The following MTSS1 variants were observed in gnomAD, a reference collection of about 807,000 sequenced individuals.
The protein encoded by MTSS1 is protein MTSS 1.
Under a neutral mutation model 79.0 loss-of-function variants are expected in MTSS1, and 18 were observed. The observed-to-expected ratio is 0.23, with a 90% CI of 0.16 to 0.34. MTSS1 has a LOEUF of 0.34. MTSS1 is among the 10% of genes least tolerant of loss of function. The pLI, the probability that MTSS1 is intolerant of heterozygous loss-of-function variation, is 1.00. For missense variants in MTSS1, 815 were observed against 986.2 expected (o/e 0.83, Z 2.33); for synonymous variants, 341 against 368.6 (o/e 0.93, Z 0.86).
intron 9 of MTSS1, 41 bp downstream of exon 9, chr8:124,565,621 G>A: frequency 6.5e-7 from 1 of 1,544,406 alleles, no homozygotes; most frequent in Non-Finnish European, 9.0e-7. Flanking sequence ...AAAGAAAAAT[G>A]ACCCGTCCTG....
At chr8:124,650,038 T>G (rs1270528618) in intron 3 of MTSS1, among the ~76,000 whole-genome samples, 1 of 151,950 alleles carries the variant, frequency 6.6e-6, no homozygotes, top group Non-Finnish European at 1.5e-5. Flanking sequence ...GCCTTTTTTT[T>G]TTTTTCCCTC....
intron 1 of MTSS1, among the ~76,000 whole-genome samples, chr8:124,719,258 C>T (rs1057143896): frequency 1.3e-5 from 2 of 152,206 alleles, no homozygotes; most frequent in Non-Finnish European, 2.9e-5. Context: ...GTTACTAAGA[C>T]TACCTCGCTG....
chr8:124,691,495 T>C (rs944890618), intron 3 of MTSS1, among the ~76,000 whole-genome samples: 7 of 152,158 alleles, frequency 4.6e-5, no homozygotes, highest in Admixed American at 1.3e-4. Context: ...TACACATATA[T>C]ACAGTTTAGA....
intron 6 of MTSS1, among the ~76,000 whole-genome samples, chr8:124,571,315 G>A (rs1165463818): frequency 6.6e-6 from 1 of 152,160 alleles, no homozygotes; most frequent in Admixed American, 6.5e-5. Flanking sequence ...TAAAATGCTG[G>A]CTAGTGCAAA....
intron 3 of MTSS1, among the ~76,000 whole-genome samples, chr8:124,698,506 C>CTTTTTT (rs148481676): frequency 1.4e-4 from 17 of 124,762 alleles, no homozygotes; most frequent in East Asian, 4.5e-4. Flanking sequence ...TGTTGCTTTT[C>CTTTTTT]TTTTTTTTTT....
chr8:124,688,879 G>C (rs1827466849), intron 3 of MTSS1, among the ~76,000 whole-genome samples: 1 of 151,490 alleles, frequency 6.6e-6, no homozygotes, highest in Non-Finnish European at 1.5e-5. Context: ...ACTTCACTGA[G>C]ATTCAGTGTC....
chr8:124,559,210 C>T (rs1383980451), intron 10 of MTSS1, among the ~76,000 whole-genome samples: 5 of 152,178 alleles, frequency 3.3e-5, no homozygotes. Flanking sequence ...TGTTTCTTCA[C>T]GTGCCACAGG....
At chr8:124,704,339 A>G in intron 1 of MTSS1, 148 bp from the exon 2 acceptor site, 7 of 712,014 alleles carry the variant, frequency 9.8e-6, no homozygotes, top group South Asian at 9.6e-5. Context: ...CGGATTCTAT[A>G]TACATGTATT....
chr8:124,630,992 T>C (rs911215475), intron 3 of MTSS1, among the ~76,000 whole-genome samples: 1 of 152,186 alleles, frequency 6.6e-6, no homozygotes, highest in African/African-American at 2.4e-5. Flanking sequence ...GGCAGCATCA[T>C]CACTGAGATA....
Position 124,567,141 on chromosome 8 carries a change from AGGT to A in MTSS1, c.653_655del (p.His218del). The A allele has an allele frequency of 6.2e-7, 1 of 1,614,116 alleles. No homozygotes were observed. The highest frequency in any genetic ancestry group is 8.5e-7 in the Non-Finnish European group (1 of 1,179,944). On this transcript the variant is annotated inframe_deletion, in exon 8 of 14. Transcript: ENST00000518547. ...TTTTAGATCTTCCGAGATGGTCTGAAGGTGGGTTATTTCCCCTAGCATTGAGAT... is the reference window on the plus strand; with the variant it reads ...TTTTAGATCTTCCGAGATGGTCTGAAGGGTTATTTCCCCTAGCATTGAGAT...
At chr8:124,646,222 G>C (rs999116235) in intron 3 of MTSS1, among the ~76,000 whole-genome samples, 5 of 152,132 alleles carry the variant, frequency 3.3e-5, no homozygotes, top group African/African-American at 1.2e-4. Context: ...TTATAAATGG[G>C]ATTATAAGCC....
rs113124516 is a variant in MTSS1 at position 124,696,688 on chromosome 8, TAAAAATAC to T, written c.208+2830_208+2837del. 8.5e-3 allele frequency among the ~76,000 whole-genome samples: 1,286 copies of T among 152,010 alleles called. 17 individuals are homozygous for T. The highest frequency in any genetic ancestry group is 0.028 in the African/African-American group (1,179 of 41,444). On this transcript the variant is annotated intron_variant, in intron 3 of 13. Transcript: ENST00000518547. ...CAACATGACGAAACCCTGTCTCTAC[TAAAAATAC>T]AAAAATTAGCTGGGCGTGATGGTGG...
intron 3 of MTSS1, among the ~76,000 whole-genome samples, chr8:124,673,906 C>T (rs1052079152): frequency 3.3e-5 from 5 of 150,104 alleles, no homozygotes; most frequent in Non-Finnish European, 6.0e-5. Context: ...GTCAGTGCCA[C>T]CCAACTGTGA....
intron 3 of MTSS1, among the ~76,000 whole-genome samples, chr8:124,627,697 G>A (rs1814990248): frequency 6.6e-6 from 1 of 152,234 alleles, no homozygotes; most frequent in Admixed American, 6.5e-5. Context: ...AGGGATCACT[G>A]AAAGGGTAAT....
chr8:124,631,216 C>T (rs1436400436), intron 3 of MTSS1, among the ~76,000 whole-genome samples: 3 of 152,160 alleles, frequency 2.0e-5, no homozygotes, highest in East Asian at 1.9e-4. Context: ...CTCCTGGACT[C>T]GGATTCCAGG....
chr8:124,610,192 A>G (rs775496934), intron 3 of MTSS1, among the ~76,000 whole-genome samples: 1 of 152,246 alleles, frequency 6.6e-6, no homozygotes, highest in South Asian at 2.1e-4. Flanking sequence ...TTCTTCTTCC[A>G]TATTAGACAT....
intron 2 of MTSS1, among the ~76,000 whole-genome samples, chr8:124,700,210 T>C (rs917722229): frequency 6.6e-6 from 1 of 151,976 alleles, no homozygotes; most frequent in African/African-American, 2.4e-5. Context: ...GAGGCATTTC[T>C]ACCTAAAAGG....
chr8:124,625,506 GCATTTT>G (rs1814485506), intron 3 of MTSS1, among the ~76,000 whole-genome samples: 1 of 152,164 alleles, frequency 6.6e-6, no homozygotes, highest in African/African-American at 2.4e-5. Context: ...AGACAGACCA[GCATTTT>G]CGGACACAGA....
intron 6 of MTSS1, chr8:124,577,646 C>A: frequency 1.9e-6 from 1 of 518,658 alleles, no homozygotes; most frequent in Non-Finnish European, 3.8e-6. Context: ...CCTGCTTCCA[C>A]CCAGACAGAA....
Sources: allele counts gnomAD v4.1 joint callset (sites outside exome capture counted in the v4.1 genomes callset), GRCh38; gene constraint gnomAD v4.1.1; transcripts MANE v1.5; gene names NCBI Gene and HGNC (gene_info 2026-07-23, HGNC 2026-07-21).